The following WDR25 variants were observed in gnomAD, a reference collection of about 807,000 sequenced individuals.
WDR25 encodes WD repeat domain 25.
In WDR25, 35 loss-of-function variants were observed where a neutral mutation model predicts 47.7. The observed-to-expected ratio is 0.73, with a 90% CI of 0.56 to 0.97. The LOEUF is 0.97. WDR25 is among the 50% of genes least tolerant of loss of function. WDR25 has a pLI of 0.00. For missense variants in WDR25, 634 were observed against 704.7 expected, an observed-to-expected ratio of 0.90 and a Z score of 1.14; for synonymous variants, 248 against 278.9, an observed-to-expected ratio of 0.89 and a Z score of 1.10.
chr14:100,398,919 A>G (rs564044981), intron 2 of WDR25, among the ~76,000 whole-genome samples: 16 of 150,654 alleles, frequency 1.1e-4, no homozygotes, highest in African/African-American at 3.9e-4. Flanking sequence ...CTCGTACTGG[A>G]TGTCTTTTGG....
intron 4 of WDR25, among the ~76,000 whole-genome samples, chr14:100,486,150 T>C (rs541602557): frequency 6.6e-6 from 1 of 151,992 alleles, no homozygotes; most frequent in South Asian, 2.1e-4. Flanking sequence ...CTCTTAGTCA[T>C]ACCGTTTGAA....
chr14:100,411,492 G>GC (rs548719799), intron 2 of WDR25, among the ~76,000 whole-genome samples: 128 of 151,756 alleles, frequency 8.4e-4, no homozygotes, highest in African/African-American at 2.9e-3. Context: ...GTTGGATGCT[G>GC]CCACCCTCAT....
At chr14:100,495,324 C>T (rs1456009690) in intron 4 of WDR25, among the ~76,000 whole-genome samples, 1 of 152,160 alleles carries the variant, frequency 6.6e-6, no homozygotes, top group Non-Finnish European at 1.5e-5. Context: ...GTCATTGTAT[C>T]CAGTCTGGGT....
At chr14:100,441,611 C>T (rs150517544) in intron 2 of WDR25, among the ~76,000 whole-genome samples, 5 of 152,248 alleles carry the variant, frequency 3.3e-5, no homozygotes, top group Non-Finnish European at 5.9e-5. Context: ...CTGGGGGCCA[C>T]ATGGAGCGCA....
At chr14:100,517,790 G>C (rs1901555552) in intron 4 of WDR25, among the ~76,000 whole-genome samples, 1 of 152,214 alleles carries the variant, frequency 6.6e-6, no homozygotes, top group African/African-American at 2.4e-5. Context: ...GTTGCAGTGA[G>C]CTGAGGTTGC....
At chr14:100,524,142 G>A (rs1228445796) in intron 4 of WDR25, among the ~76,000 whole-genome samples, 2 of 152,004 alleles carry the variant, frequency 1.3e-5, no homozygotes, top group Non-Finnish European at 2.9e-5. Context: ...AACTGTTTTG[G>A]TTCTCCTCAA....
chr14:100,456,372 G>T (rs1566918406), intron 2 of WDR25, among the ~76,000 whole-genome samples: 1 of 152,064 alleles, frequency 6.6e-6, no homozygotes. Context: ...TACAAAACAT[G>T]CAAAGAAGTA....
At chr14:100,491,540 A>G (rs1486297952) in intron 4 of WDR25, among the ~76,000 whole-genome samples, 1 of 152,268 alleles carries the variant, frequency 6.6e-6, no homozygotes, top group Non-Finnish European at 1.5e-5. Context: ...TAGGAGCCAT[A>G]GGCTAGACCT....
chr14:100,420,470 C>A (rs1483395341), intron 2 of WDR25, among the ~76,000 whole-genome samples: 1 of 152,136 alleles, frequency 6.6e-6, no homozygotes, highest in African/African-American at 2.4e-5. Flanking sequence ...GAACATTGAG[C>A]TTTTTATTCC....
At chr14:100,471,360 C>T (rs557744294) in intron 3 of WDR25, among the ~76,000 whole-genome samples, 34 of 152,146 alleles carry the variant, frequency 2.2e-4, no homozygotes, top group Non-Finnish European at 3.1e-4. Context: ...CAGGGCTGGT[C>T]GGGGGGCCTC....
chr14:100,454,304 A>C (rs1899132156), intron 2 of WDR25, among the ~76,000 whole-genome samples: 2 of 152,196 alleles, frequency 1.3e-5, no homozygotes, highest in Admixed American at 1.3e-4. Flanking sequence ...TCCTACCAGA[A>C]GGCTGGGTGT....
intron 2 of WDR25, among the ~76,000 whole-genome samples, chr14:100,459,928 A>ATTGT (rs1899339789): frequency 1.8e-5 from 2 of 110,544 alleles, no homozygotes; most frequent in East Asian, 4.4e-4. Context: ...ATATATATAT[A>ATTGT]TATATATATA....
At chr14:100,471,518 T>C (rs146250883) in intron 3 of WDR25, among the ~76,000 whole-genome samples, 1,659 of 152,356 alleles carry the variant, frequency 0.011, 27 homozygotes, top group African/African-American at 0.037. Context: ...TTCTCTTCGC[T>C]GAGTCTGATC....
At position 100,430,976 on chromosome 14, in the gene WDR25, G is replaced by C. The variant is rs1405798830; in HGVS notation, c.823-37045G>C. On this transcript the variant is annotated intron_variant, in intron 2 of 6. Coordinates refer to ENST00000402312, the MANE Select transcript of WDR25 (RefSeq NM_001161476.3). This position sits in a 1 kb window ranked among gnomAD's most constrained non-coding sequence, Gnocchi z 4.7. ...CTGGCCTCATCGTTGGCTTCTATGT[G>C]GCCGGCCTTCAGTAGGTGTTTCCTG... 1.3e-5 allele frequency among the ~76,000 whole-genome samples: 2 copies of C among 152,170 alleles called. No homozygotes were observed. Among genetic ancestry groups the C allele is most frequent in the Admixed American group, 1.3e-4 (2 of 15,292 alleles).
chr14:100,410,134 G>T (rs1290424327), intron 2 of WDR25, among the ~76,000 whole-genome samples: 2 of 152,192 alleles, frequency 1.3e-5, no homozygotes, highest in Admixed American at 1.3e-4. Context: ...AAGCTCTATT[G>T]TTAAAGTGAT....
At chr14:100,514,225 C>A (rs1232071181) in intron 4 of WDR25, among the ~76,000 whole-genome samples, 1 of 152,148 alleles carries the variant, frequency 6.6e-6, no homozygotes, top group Admixed American at 6.5e-5. Flanking sequence ...CGTGAGCCAC[C>A]GCGCCCGGCC....
intron 2 of WDR25, among the ~76,000 whole-genome samples, chr14:100,401,486 C>T (rs1897381127): frequency 6.6e-6 from 1 of 152,180 alleles, no homozygotes; most frequent in South Asian, 2.1e-4. Flanking sequence ...CCCATGTCCC[C>T]AGGAGGCAAG....
In WDR25 at chr14:100,404,928, C is replaced by T. The variant is rs1021097285; in HGVS notation, c.822+23182C>T. Among the ~76,000 whole-genome samples, 9 of 152,132 alleles carry T rather than the reference C, an allele frequency of 5.9e-5. No homozygotes were observed. Among genetic ancestry groups the T allele is most frequent in the Non-Finnish European group, 8.8e-5 (6 of 68,020 alleles). On this transcript the variant is annotated intron_variant, in intron 2 of 6. Transcript: ENST00000402312. The surrounding 1 kb of genome is among the most constrained non-coding windows in gnomAD (Gnocchi z 4.6). ...TGGCACTGGTGTGTTTGGGCCCTTC[C>T]TCTTAACCCTCCTACCTTGTGTCCC...
chr14:100,520,005 T>C (rs1247386685), intron 4 of WDR25, among the ~76,000 whole-genome samples: 1 of 146,700 alleles, frequency 6.8e-6, no homozygotes, highest in East Asian at 1.9e-4. Flanking sequence ...TGTATATATA[T>C]GTACACTATA....
Sources: allele counts gnomAD v4.1 joint callset (sites outside exome capture counted in the v4.1 genomes callset), GRCh38; gene constraint gnomAD v4.1.1; non-coding constraint Gnocchi (gnomAD v3.1); transcripts MANE v1.5; gene names NCBI Gene and HGNC (gene_info 2026-07-23, HGNC 2026-07-21).